VPS54: variants seen among roughly 807,000 people sequenced by gnomAD.
The protein encoded by VPS54 is VPS54 subunit of GARP complex.
A neutral mutation model predicts 121.5 loss-of-function variants in VPS54; 45 were observed. The observed-to-expected ratio is 0.37, with a 90% CI of 0.29 to 0.47. VPS54 has a LOEUF of 0.47. Among genes scored for constraint, VPS54 ranks in the 20% least tolerant of loss-of-function variants. The probability of loss-of-function intolerance (pLI) is 0.99; values close to 1 mark genes in which losing one functional copy is unlikely to be tolerated. For missense variants in VPS54, 1,090 were observed against 1,131.4 expected (o/e 0.96, Z 0.52); for synonymous variants, 371 against 385.8 (o/e 0.96, Z 0.45).
intron 1 of VPS54, among the ~76,000 whole-genome samples, chr2:64,015,262 GTTC>G (rs1294786563): frequency 3.3e-5 from 5 of 152,056 alleles, no homozygotes; most frequent in Non-Finnish European, 4.4e-5. Context: ...AAAAAAAGGG[GTTC>G]TTTTTTCAGA....
intron 7 of VPS54, among the ~76,000 whole-genome samples, chr2:63,957,134 T>C (rs551265665): frequency 6.5e-4 from 99 of 152,184 alleles, no homozygotes; most frequent in African/African-American, 2.3e-3. Context: ...TCATTTCACA[T>C]GTAATGGTTA....
At chr2:63,973,856 T>A (rs1215156947) in intron 3 of VPS54, among the ~76,000 whole-genome samples, 1 of 152,224 alleles carries the variant, frequency 6.6e-6, no homozygotes, top group Non-Finnish European at 1.5e-5. Context: ...ACCAATCCTG[T>A]ATCAGATATG....
rs1343909538 is a variant in VPS54, at chr2:63,994,712, G to A, written c.-20-10693C>T. Among the ~76,000 whole-genome samples the A allele has an allele frequency of 3.3e-5, 5 of 152,166 alleles. No homozygotes were observed. In the East Asian group the frequency reaches 7.7e-4, roughly 23 times the overall value. ...TAAGACAAATGAAAGGGGGAGTAAT[G>A]GGAGATATCCCATACTTTCAATATA... On this transcript the variant is annotated intron_variant, in intron 1 of 22. Transcript: ENST00000272322.
chr2:63,982,098 A>G (rs1676826312), intron 2 of VPS54, among the ~76,000 whole-genome samples: 1 of 152,218 alleles, frequency 6.6e-6, no homozygotes, highest in Admixed American at 6.5e-5. Flanking sequence ...GCACGAGATA[A>G]AAGATATGCA....
intron 14 of VPS54, 29 bp downstream of exon 14, chr2:63,920,417 A>G (rs202107473): frequency 1.9e-5 from 27 of 1,432,238 alleles, no homozygotes; most frequent in Non-Finnish European, 2.1e-5. Flanking sequence ...TGAAAAAATC[A>G]AACAACAGAA....
intron 11 of VPS54, among the ~76,000 whole-genome samples, chr2:63,937,693 C>T (rs2104496710): frequency 6.6e-6 from 1 of 152,206 alleles, no homozygotes; most frequent in South Asian, 2.1e-4. Context: ...TTTGCATATG[C>T]ATGTTCATGG....
intron 7 of VPS54, 72 bp from the exon 8 acceptor site, chr2:63,949,235 C>T (rs1290859611): frequency 3.5e-5 from 52 of 1,484,444 alleles, no homozygotes; most frequent in Non-Finnish European, 4.5e-5. Flanking sequence ...ATCAAGGGAA[C>T]TAGTAGGTAA....
intron 4 of VPS54, among the ~76,000 whole-genome samples, chr2:63,970,168 T>C (rs934352574): frequency 3.4e-5 from 5 of 148,198 alleles, no homozygotes; most frequent in Admixed American, 6.8e-5. Flanking sequence ...TATCTTTGTA[T>C]ATAAACATGC....
chr2:63,988,802 T>C (rs1287982927), intron 1 of VPS54, among the ~76,000 whole-genome samples: 1 of 152,002 alleles, frequency 6.6e-6, no homozygotes, highest in Admixed American at 6.5e-5. Context: ...CTGGGTACCT[T>C]GAAAAAAAGA....
At chr2:63,938,747 G>C (rs947624264) in intron 11 of VPS54, among the ~76,000 whole-genome samples, 1 of 152,172 alleles carries the variant, frequency 6.6e-6, no homozygotes, top group Non-Finnish European at 1.5e-5. Flanking sequence ...TTACAGGCGT[G>C]AGCCACCACG....
chr2:63,933,762 A>G lies in VPS54; in HGVS notation c.1650T>C (p.Asp550=). ...ASPNSEPCSS[D]SVSEPECTTD... is the part of the protein sequence containing the mutation. ...TAGTACATTCTGGCTCGGATACAGAATCACTGCTGCAGGGCTCACTATTTG... is the reference window on the plus strand; with the variant it reads ...TAGTACATTCTGGCTCGGATACAGAGTCACTGCTGCAGGGCTCACTATTTG... Residue 550 remains aspartate (D), a synonymous_variant, in exon 12 of 23, where the codon GAT becomes GAC. Transcript: ENST00000272322. 1 of 1,613,918 alleles carries G rather than the reference A, an allele frequency of 6.2e-7. No individual in the cohort carries two copies. Among genetic ancestry groups the G allele is most frequent in the South Asian group, 1.1e-5 (1 of 91,080 alleles).
chr2:63,985,677 T>TTA (rs891605876), intron 1 of VPS54, among the ~76,000 whole-genome samples: 22 of 112,604 alleles, frequency 2.0e-4, no homozygotes, highest in Non-Finnish European at 3.3e-4. Flanking sequence ...AAGTGACAAA[T>TTA]TATACACACA....
At chr2:63,962,679 G>T (rs1675823295) in intron 6 of VPS54, among the ~76,000 whole-genome samples, 1 of 152,096 alleles carries the variant, frequency 6.6e-6, no homozygotes, top group Non-Finnish European at 1.5e-5. Context: ...TTCCTCCTCT[G>T]TTCCTGTCAT....
At position 64,007,821 on chromosome 2, in the gene VPS54, G is replaced by C. The variant is rs533871228; in HGVS notation, c.-21+11117C>G. Among the ~76,000 whole-genome samples the C allele has an allele frequency of 1.1e-4, 16 of 152,258 alleles. No homozygotes were observed. In the South Asian group the frequency reaches 3.1e-3, roughly 30 times the overall value. On this transcript the variant is annotated intron_variant, in intron 1 of 22. Transcript: ENST00000272322. Reference sequence around the variant, plus strand: ...TCCTTACACAGGGAAGATGTGTCAGGAAGTAAAGTGCGAACAGTAAGTAGC... The same window carrying C: ...TCCTTACACAGGGAAGATGTGTCAGCAAGTAAAGTGCGAACAGTAAGTAGC...
chr2:64,002,842 G>A (rs1266943648), intron 1 of VPS54, among the ~76,000 whole-genome samples: 1 of 152,174 alleles, frequency 6.6e-6, no homozygotes, highest in Non-Finnish European at 1.5e-5. Flanking sequence ...TGCCTATAAA[G>A]ATGAGTCCCA....
intron 1 of VPS54, among the ~76,000 whole-genome samples, chr2:64,007,907 A>T (rs1042532246): frequency 4.6e-5 from 7 of 152,192 alleles, no homozygotes; most frequent in African/African-American, 1.7e-4. Context: ...CTGGATTAAG[A>T]ACAGTTTCAG....
At chr2:63,980,028 C>A (rs1025362247) in intron 3 of VPS54, among the ~76,000 whole-genome samples, 1 of 152,106 alleles carries the variant, frequency 6.6e-6, no homozygotes, top group African/African-American at 2.4e-5. Flanking sequence ...TGCTGATATT[C>A]TGCTTGTCCT....
At position 63,965,863 on chromosome 2, in the gene VPS54, G is replaced by C. The variant is rs185971914; in HGVS notation, c.596C>G (p.Ala199Gly). The change falls in exon 6 of 23, where the codon GCA (alanine) becomes GGA (glycine). Residue 199 changes from alanine (A) to glycine (G), a missense_variant. Physicochemically the swap from Ala to Gly is moderately conservative, Grantham distance 60. Coordinates refer to ENST00000272322, the MANE Select transcript of VPS54 (RefSeq NM_016516.3). ...TTCTTGAAGCAACTTTGAGGAAGCT[G>C]CATCACGATTTCCTTTTCCACCAGC... ...NTAGGKGNRD[A>G]ASSKLLQEKL... The C allele has an allele frequency of 6.2e-7, 1 of 1,612,078 alleles. No homozygotes were observed. The highest frequency in any genetic ancestry group is 1.7e-5 in the Admixed American group (1 of 59,672).
chr2:63,914,029 A>G, intron 17 of VPS54, 153 bp downstream of exon 17: 1 of 1,044,678 alleles, frequency 9.6e-7, no homozygotes, highest in Non-Finnish European at 1.4e-6. Context: ...CCTGTTTCCA[A>G]TAACATGTTG....
Sources: allele counts gnomAD v4.1 joint callset (sites outside exome capture counted in the v4.1 genomes callset), GRCh38; gene constraint gnomAD v4.1.1; transcripts MANE v1.5; gene names NCBI Gene and HGNC (gene_info 2026-07-23, HGNC 2026-07-21).